Variants in FGF9 observed in about 807,000 individuals in gnomAD.
The protein encoded by FGF9 is fibroblast growth factor 9 (glia-activating factor).
FGF9 carries 3 observed loss-of-function variants against 19.9 expected under a neutral mutation model. The ratio of observed to expected loss-of-function variants is 0.15; its 90% CI spans 0.07 to 0.39. The LOEUF (loss-of-function observed/expected upper bound fraction) is 0.39. Ranked by LOEUF, FGF9 falls within the 10% of genes least tolerant of loss-of-function variation. FGF9 has a pLI of 1.00. For missense variants in FGF9, 175 were observed against 256.8 expected (o/e 0.68, Z 2.18); for synonymous variants, 107 against 106.9 (o/e 1.00, Z -0.01).
At chr13:21,685,099 G>T (rs531506948) in intron 2 of FGF9, among the ~76,000 whole-genome samples, 1 of 152,126 alleles carries the variant, frequency 6.6e-6, no homozygotes, top group Non-Finnish European at 1.5e-5. Context: ...GGAAAGAAAC[G>T]GGCAATGGTT....
intron 2 of FGF9, 29 bp downstream of exon 2, chr13:21,681,174 T>C: frequency 6.9e-7 from 1 of 1,452,684 alleles, no homozygotes; most frequent in South Asian, 1.1e-5. Flanking sequence ...TCATCCAGCT[T>C]TATCTCCATG....
chr13:21,689,439 C>T (rs901008628), intron 2 of FGF9, among the ~76,000 whole-genome samples: 16 of 146,064 alleles, frequency 1.1e-4, no homozygotes, highest in Non-Finnish European at 2.1e-4. Flanking sequence ...CAGTGGGATC[C>T]CAAATCATCT....
intron 2 of FGF9, among the ~76,000 whole-genome samples, chr13:21,699,627 G>A (rs1388873075): frequency 6.6e-6 from 1 of 152,160 alleles, no homozygotes; most frequent in Non-Finnish European, 1.5e-5. Flanking sequence ...AGTTGGGGAT[G>A]ATGGATTCTA....
intron 2 of FGF9, 196 bp downstream of exon 2, chr13:21,681,341 C>A: frequency 2.1e-6 from 1 of 480,634 alleles, no homozygotes; most frequent in South Asian, 3.2e-5. Flanking sequence ...ACCAAAGTTG[C>A]TAAGAAAATG....
At chr13:21,692,447 A>G (rs1872314303) in intron 2 of FGF9, among the ~76,000 whole-genome samples, 2 of 152,068 alleles carry the variant, frequency 1.3e-5, no homozygotes, top group South Asian at 4.2e-4. Context: ...CATGCTGACC[A>G]GTTGCAACTT....
intron 2 of FGF9, among the ~76,000 whole-genome samples, chr13:21,694,239 T>A (rs1301002730): frequency 2.0e-5 from 3 of 152,198 alleles, no homozygotes; most frequent in Non-Finnish European, 2.9e-5. Context: ...ATCTTTTAGT[T>A]TTCAAAATCT....
At position 21,701,734 on chromosome 13, in the gene FGF9, T is replaced by C; in HGVS notation, c.*299T>C. The stretch of plus-strand genomic sequence containing the variant: ...ATGTGTGTGTGTGTGTGTGTGTGTG[T>C]GTGTGTATGTGTGTAGCGGGAGATG... On this transcript the variant is annotated 3_prime_UTR_variant, in exon 3 of 3. Coordinates refer to ENST00000382353, the MANE Select transcript of FGF9 (RefSeq NM_002010.3). 1 of 387,904 alleles carries C rather than the reference T, an allele frequency of 2.6e-6. No individual in the cohort carries two copies. The highest frequency in any genetic ancestry group is 2.4e-5 in the South Asian group (1 of 42,120). 24.0% of individuals were successfully genotyped at this position (387,904 alleles called of 1,614,324 possible).
intron 1 of FGF9, 79 bp from the exon 2 acceptor site, chr13:21,680,962 CA>C: frequency 9.0e-7 from 1 of 1,110,666 alleles, no homozygotes; most frequent in Non-Finnish European, 1.4e-6. Context: ...GTGTCCTCTC[CA>C]AAACCCCAGG....
intron 2 of FGF9, 110 bp from the exon 3 acceptor site, chr13:21,701,080 T>C: frequency 1.2e-6 from 1 of 817,750 alleles, no homozygotes; most frequent in South Asian, 1.5e-5. Context: ...GTTAAATAGA[T>C]AAACGTGTGC....
chr13:21,701,646 ACTTG>A lies in FGF9; in HGVS notation c.*216_*219del. ...TCCTCCTGGAGGGCTGCCTAGGGCC[ACTTG>A]CTTGATTTATCATGAGAGAAGAGGA... On this transcript the variant is annotated 3_prime_UTR_variant, in exon 3 of 3. Transcript: ENST00000382353. 1 of 581,940 alleles carries A rather than the reference ACTTG, an allele frequency of 1.7e-6. No individual in the cohort carries two copies. The highest frequency in any genetic ancestry group is 3.0e-6 in the Non-Finnish European group (1 of 331,918). The allele number at this position is 581,940 out of a possible 1,614,324, so 36.0% of individuals were successfully genotyped here.
intron 2 of FGF9, among the ~76,000 whole-genome samples, chr13:21,695,394 G>A (rs747813225): frequency 8.6e-5 from 13 of 151,850 alleles, no homozygotes; most frequent in Non-Finnish European, 1.6e-4. Flanking sequence ...CAGGAATGTG[G>A]ATATAAAAGC....
intron 2 of FGF9, among the ~76,000 whole-genome samples, chr13:21,690,494 C>G (rs1872261640): frequency 1.3e-5 from 2 of 152,192 alleles, no homozygotes; most frequent in African/African-American, 4.8e-5. Flanking sequence ...TTCTTGTTTT[C>G]TTTCCCAAAG....
chr13:21,673,016 GGCT>G (rs1379835530), intron 1 of FGF9, among the ~76,000 whole-genome samples: 1 of 152,172 alleles, frequency 6.6e-6, no homozygotes, highest in African/African-American at 2.4e-5. Context: ...CAGCACTGAG[GGCT>G]GCAGACTCGA....
At chr13:21,699,687 A>G (rs1470791168) in intron 2 of FGF9, among the ~76,000 whole-genome samples, 1 of 152,160 alleles carries the variant, frequency 6.6e-6, no homozygotes, top group Non-Finnish European at 1.5e-5. Context: ...CCTTAACTAC[A>G]TACTTGGAAA....
intron 2 of FGF9, among the ~76,000 whole-genome samples, chr13:21,695,069 CGT>C (rs142262294): frequency 3.0e-4 from 43 of 143,478 alleles, no homozygotes; most frequent in East Asian, 8.3e-4. Flanking sequence ...AAGATGTGTG[CGT>C]GTGTGTGTGT....
At chr13:21,695,268 A>G (rs1017119413) in intron 2 of FGF9, among the ~76,000 whole-genome samples, 3 of 152,120 alleles carry the variant, frequency 2.0e-5, no homozygotes, top group South Asian at 4.2e-4. Flanking sequence ...TTAGTTTCCT[A>G]TATACTTTGA....
At chr13:21,675,574 G>A (rs888464130) in intron 1 of FGF9, among the ~76,000 whole-genome samples, 1 of 152,086 alleles carries the variant, frequency 6.6e-6, no homozygotes, top group African/African-American at 2.4e-5. Context: ...CCTCACCTTC[G>A]GCCCTCCTCC....
rs1872544817 is a variant in FGF9, at chr13:21,701,576, G to A, written c.*141G>A. 1 of 1,190,540 alleles carries A rather than the reference G, an allele frequency of 8.4e-7. No homozygotes were observed. The highest frequency in any genetic ancestry group is 1.8e-5 in the Admixed American group (1 of 54,678). The allele number at this position is 1,190,540 out of a possible 1,614,324, so 73.7% of individuals were successfully genotyped here. A position where few individuals can be genotyped will look rare whatever the true frequency, so the allele number is the denominator to read the frequency against. ...GTCGCATGCATAATGTATGATGGAGGCTTGGATGGGAATATGCTGATTTTG... is the reference window on the plus strand; with the variant it reads ...GTCGCATGCATAATGTATGATGGAGACTTGGATGGGAATATGCTGATTTTG... On this transcript the variant is annotated 3_prime_UTR_variant, in exon 3 of 3. Transcript: ENST00000382353.
chr13:21,687,493 T>C (rs532480745), intron 2 of FGF9, among the ~76,000 whole-genome samples: 1 of 152,330 alleles, frequency 6.6e-6, no homozygotes, highest in African/African-American at 2.4e-5. Flanking sequence ...ATCAGTAAAA[T>C]GCACACTGAC....
Sources: gnomAD v4.1 joint callset for allele counts (sites outside exome capture counted in the v4.1 genomes callset) on GRCh38, gnomAD v4.1.1 for gene constraint, MANE v1.5 for transcripts, NCBI Gene and HGNC (gene_info 2026-07-23, HGNC 2026-07-21) for gene names.